The following HERC5 variants were observed in gnomAD, a reference collection of about 807,000 sequenced individuals.
HERC5 encodes the protein E3 ISG15--protein ligase HERC5.
Under a neutral mutation model 119.6 loss-of-function variants are expected in HERC5, and 99 were observed. The ratio of observed to expected loss-of-function variants is 0.83; its 90% CI spans 0.70 to 0.98. HERC5 has a LOEUF of 0.98. Among genes scored for constraint, HERC5 ranks in the 50% least tolerant of loss-of-function variants. The pLI, the probability that HERC5 is intolerant of heterozygous loss-of-function variation, is 0.00. For synonymous variants in HERC5, 478 were observed against 445.9 expected, an observed-to-expected ratio of 1.07 and a Z score of -0.91; for missense variants, 1,267 against 1,241.3, an observed-to-expected ratio of 1.02 and a Z score of -0.31.
chr4:88,487,262 A>G, intron 15 of HERC5, 83 bp downstream of exon 15: 1 of 710,920 alleles, frequency 1.4e-6, no homozygotes, highest in African/African-American at 1.8e-5. Context: ...GGGTGATAAG[A>G]GAACCACCTA....
At chr4:88,458,674 T>C (rs918650879) in intron 1 of HERC5, among the ~76,000 whole-genome samples, 1 of 152,218 alleles carries the variant, frequency 6.6e-6, no homozygotes, top group Admixed American at 6.5e-5. Flanking sequence ...TCTATTTCAT[T>C]AGCACTGAAG....
At position 88,506,026 on chromosome 4, in the gene HERC5, A is replaced by G. The variant is rs1474747927; in HGVS notation, c.*148A>G. 7.7e-6 allele frequency: 5 copies of G among 652,200 alleles called. No homozygotes were observed. The highest frequency in any genetic ancestry group is 1.3e-5 in the Non-Finnish European group (5 of 376,930). The allele number at this position is 652,200 out of a possible 1,614,324, so 40.4% of individuals were successfully genotyped here. ...TTCTGTCTCTAGTGATAAGCAGGAA[A>G]GAGGGATGAAGAAGAGGGTTTACTG... On this transcript the variant is annotated 3_prime_UTR_variant, in exon 23 of 23. Coordinates refer to ENST00000264350, the MANE Select transcript of HERC5 (RefSeq NM_016323.4).
chr4:88,464,168 A>ATT (rs374132307), intron 6 of HERC5, among the ~76,000 whole-genome samples, 183 bp downstream of exon 6: 7 of 111,188 alleles, frequency 6.3e-5, no homozygotes, highest in Non-Finnish European at 9.4e-5. Context: ...GTTTTCTTTG[A>ATT]TTTTTTTTTT....
intron 22 of HERC5, 60 bp from the exon 23 acceptor site, chr4:88,505,613 C>A: frequency 1.0e-6 from 1 of 975,528 alleles, no homozygotes; most frequent in Non-Finnish European, 1.6e-6. Flanking sequence ...ATTTTTTTCT[C>A]TGTAAAGAGA....
At chr4:88,467,240 T>A (rs778130580) in intron 7 of HERC5, 36 bp downstream of exon 7, 147 of 1,588,526 alleles carry the variant, frequency 9.3e-5, no homozygotes, top group Non-Finnish European at 1.2e-4. Flanking sequence ...TGGCATAGTA[T>A]CTTTTTAGAG....
intron 8 of HERC5, 81 bp downstream of exon 8, chr4:88,468,503 C>T: frequency 1.1e-6 from 1 of 899,918 alleles, no homozygotes; most frequent in Non-Finnish European, 1.7e-6. Context: ...TTGGTGAATT[C>T]CAAAATCATC....
At chr4:88,470,030 A>G (rs1740814030) in intron 9 of HERC5, among the ~76,000 whole-genome samples, 1 of 152,212 alleles carries the variant, frequency 6.6e-6, no homozygotes, top group African/African-American at 2.4e-5. Flanking sequence ...TCTCTAAACC[A>G]TAGAACTCCT....
Position 88,504,325 on chromosome 4 carries a change from C to T in HERC5, c.2676C>T (p.Cys892=), listed in dbSNP as rs201540163. 27 of 1,612,020 alleles carry T rather than the reference C, an allele frequency of 1.7e-5. No homozygotes were observed. Among genetic ancestry groups the T allele is most frequent in the Admixed American group, 6.7e-5 (4 of 59,992 alleles). The change falls in exon 21 of 23, where the codon TGC becomes TGT. Residue 892 remains cysteine, a synonymous_variant. Coordinates refer to ENST00000264350, the MANE Select transcript of HERC5 (RefSeq NM_016323.4). ...TTCGGAGAGGATTTTATAAAATGTGCGACGAAGACATTATCAAATTATTCC... is the reference window on the plus strand; with the variant it reads ...TTCGGAGAGGATTTTATAAAATGTGTGACGAAGACATTATCAAATTATTCC... ...EEFRRGFYKM[C]DEDIIKLFHP...
At chr4:88,502,586 G>A (rs1741977123) in intron 20 of HERC5, among the ~76,000 whole-genome samples, 1 of 152,196 alleles carries the variant, frequency 6.6e-6, no homozygotes, top group South Asian at 2.1e-4. Context: ...GGAAAAAGGA[G>A]GAGTGGGACT....
chr4:88,466,916 G>T, intron 6 of HERC5, 143 bp from the exon 7 acceptor site: 2 of 808,472 alleles, frequency 2.5e-6, no homozygotes, highest in Non-Finnish European at 3.9e-6. Flanking sequence ...TTGATTTCTT[G>T]GTTTCCAGAT....
intron 16 of HERC5, among the ~76,000 whole-genome samples, chr4:88,492,244 T>C (rs542174874): frequency 1.4e-3 from 207 of 151,786 alleles, no homozygotes; most frequent in African/African-American, 4.8e-3. Flanking sequence ...CCTCACATGA[T>C]CCGCCCACCT....
chr4:88,499,492 A>G (rs1233838746), intron 18 of HERC5, among the ~76,000 whole-genome samples: 2 of 152,222 alleles, frequency 1.3e-5, no homozygotes. Context: ...TATTGGGACA[A>G]GAGGTGCAGA....
chr4:88,461,462 GA>G (rs1560596812), intron 3 of HERC5, among the ~76,000 whole-genome samples: 1 of 152,194 alleles, frequency 6.6e-6, no homozygotes, highest in African/African-American at 2.4e-5. Flanking sequence ...ACAGGTGCAT[GA>G]AAATTGTGTG....
chr4:88,500,709 AAG>A (rs1478530138), intron 19 of HERC5, among the ~76,000 whole-genome samples: 1 of 152,284 alleles, frequency 6.6e-6, no homozygotes, highest in African/African-American at 2.4e-5. Flanking sequence ...CAGTTAAAAT[AAG>A]AGAATTCAAG....
At chr4:88,461,759 G>C (rs1264361945) in intron 3 of HERC5, among the ~76,000 whole-genome samples, 2 of 152,090 alleles carry the variant, frequency 1.3e-5, no homozygotes, top group African/African-American at 4.8e-5. Flanking sequence ...GGATCATTAG[G>C]CACATGAGAG....
At chr4:88,478,362 G>C (rs1378421097) in intron 12 of HERC5, among the ~76,000 whole-genome samples, 1 of 152,114 alleles carries the variant, frequency 6.6e-6, no homozygotes, top group Non-Finnish European at 1.5e-5. Flanking sequence ...AAAATTACGT[G>C]ATAATTATAT....
intron 12 of HERC5, among the ~76,000 whole-genome samples, 166 bp downstream of exon 12, chr4:88,476,196 T>C (rs1008010663): frequency 1.3e-5 from 2 of 152,220 alleles, no homozygotes; most frequent in African/African-American, 4.8e-5. Flanking sequence ...TCATCTAAAA[T>C]AGATTATTCT....
In HERC5 at chr4:88,494,279, G is replaced by A; in HGVS notation, c.2392G>A (p.Asp798Asn). The A allele has an allele frequency of 6.2e-7, 1 of 1,613,284 alleles. No homozygotes were observed. Among genetic ancestry groups the A allele is most frequent in the Non-Finnish European group, 8.5e-7 (1 of 1,179,730 alleles). Residue 798 changes from aspartate (D) to asparagine (N), a missense_variant, in exon 18 of 23, where the codon GAC becomes AAC. By Grantham distance (23) the Asp-to-Asn change is conservative. Transcript: ENST00000264350. ...ACTGGCACTGTTTAAGAAACTTTTG[G>A]ACCAAATGCCATCATTGGAAGACTT... The part of the protein sequence containing the change: ...FPLALFKKLL[D>N]QMPSLEDLKE...
chr4:88,501,788 AT>A (rs987530461), intron 20 of HERC5, among the ~76,000 whole-genome samples: 1 of 152,008 alleles, frequency 6.6e-6, no homozygotes, highest in Non-Finnish European at 1.5e-5. Context: ...ATCACAGTTT[AT>A]TTATCTGTAG....
Sources: gnomAD v4.1 joint callset for allele counts (sites outside exome capture counted in the v4.1 genomes callset) on GRCh38, gnomAD v4.1.1 for gene constraint, MANE v1.5 for transcripts, NCBI Gene and HGNC (gene_info 2026-07-23, HGNC 2026-07-21) for gene names.